Variants in NRXN3 observed in about 807,000 individuals in gnomAD.
NRXN3 encodes the protein neurexin III.
NRXN3 carries 32 observed loss-of-function variants against 137.6 expected under a neutral mutation model. The observed-to-expected ratio is 0.23, with a 90% CI of 0.18 to 0.31. The LOEUF is 0.31. Among genes scored for constraint, NRXN3 ranks in the 10% least tolerant of loss-of-function variants. NRXN3 has a pLI of 1.00. For missense variants in NRXN3, 1,574 were observed against 2,062.5 expected (o/e 0.76, Z 4.59); for synonymous variants, 798 against 784.5 (o/e 1.02, Z -0.29).
chr14:78,501,019 C>T (rs77608571), intron 4 of NRXN3, among the ~76,000 whole-genome samples: 1 of 152,098 alleles, frequency 6.6e-6, no homozygotes, highest in Non-Finnish European at 1.5e-5. Context: ...GATGATCAAG[C>T]CTTTCTTATT....
intron 4 of NRXN3, among the ~76,000 whole-genome samples, chr14:78,415,104 C>T (rs1374166485): frequency 6.6e-6 from 1 of 152,146 alleles, no homozygotes; most frequent in Non-Finnish European, 1.5e-5. Flanking sequence ...ACTTGAGAAA[C>T]AGCTCTAAGA....
intron 17 of NRXN3, among the ~76,000 whole-genome samples, chr14:79,688,597 A>T (rs900566430): frequency 5.3e-5 from 8 of 152,184 alleles, no homozygotes; most frequent in Non-Finnish European, 1.2e-4. Flanking sequence ...CTCAAGGGTC[A>T]GTTTGCTTTC....
intron 4 of NRXN3, among the ~76,000 whole-genome samples, chr14:78,306,547 A>G (rs1007244887): frequency 2.0e-5 from 3 of 152,144 alleles, no homozygotes; most frequent in African/African-American, 7.2e-5. Flanking sequence ...AGCAAAGTGC[A>G]TTTCCCCTTG....
chr14:78,238,396 A>G (rs921581331), intron 1 of NRXN3, among the ~76,000 whole-genome samples: 6 of 152,042 alleles, frequency 3.9e-5, no homozygotes, highest in Admixed American at 3.3e-4. Flanking sequence ...GCGTTCTCCT[A>G]TGGTTCAGTA....
intron 15 of NRXN3, among the ~76,000 whole-genome samples, chr14:79,358,607 G>GAGAAGGAAAGAAAGAAAGAA (rs796107012): frequency 1.1e-4 from 9 of 79,984 alleles, no homozygotes; most frequent in Non-Finnish European, 2.0e-4. Context: ...AAGAAAGAAA[G>GAGAAGGAAAGAAAGAAAGAA]AGAAAGAAAG....
intron 4 of NRXN3, among the ~76,000 whole-genome samples, chr14:78,345,663 A>G (rs2082647811): frequency 6.6e-6 from 1 of 152,036 alleles, no homozygotes; most frequent in Non-Finnish European, 1.5e-5. Context: ...ATAGCAAACC[A>G]ATTGGTTTCC....
chr14:78,838,354 T>G (rs560010247), intron 10 of NRXN3, among the ~76,000 whole-genome samples: 1 of 152,200 alleles, frequency 6.6e-6, no homozygotes, highest in Non-Finnish European at 1.5e-5. Context: ...TTCTACAGAT[T>G]TTTTTATTGT....
chr14:78,642,670 T>A (rs1601778207), intron 4 of NRXN3, among the ~76,000 whole-genome samples: 2 of 152,332 alleles, frequency 1.3e-5, no homozygotes, highest in Middle Eastern at 6.8e-3. Context: ...CCATTTGATT[T>A]GTCACCTTCT....
intron 15 of NRXN3, among the ~76,000 whole-genome samples, chr14:79,181,057 C>CATATATAT (rs3035618): frequency 3.7e-4 from 54 of 145,060 alleles, no homozygotes; most frequent in Middle Eastern, 3.6e-3. Flanking sequence ...TGTCTGTGTG[C>CATATATAT]ATATATATAT....
chr14:79,474,826 GGGAAAGAGGAGGA>G (rs1192318369), intron 16 of NRXN3, among the ~76,000 whole-genome samples: 2 of 152,004 alleles, frequency 1.3e-5, no homozygotes, highest in Non-Finnish European at 2.9e-5. Flanking sequence ...AAGGAAGAGA[GGGAAAGAGGAGGA>G]GGAAGGAGGA....
intron 15 of NRXN3, among the ~76,000 whole-genome samples, chr14:79,192,467 G>C (rs1164120919): frequency 1.3e-5 from 2 of 152,048 alleles, no homozygotes; most frequent in African/African-American, 2.4e-5. Context: ...GAAGTATTTG[G>C]GGATATTTTA....
rs994714026 is a variant in NRXN3, at chr14:79,504,655, G to GTATATATATATATATATATATA, written c.3444+37273_3444+37274insTATATATATATATATATATATA. On this transcript the variant is annotated intron_variant, in intron 16 of 20. Coordinates refer to ENST00000335750, the MANE Select transcript of NRXN3 (RefSeq NM_001330195.2). ...AATGAAGTTTTTTATATATATATAT[G>GTATATATATATATATATATATA]TATATATATATATATATATAAAACA... Among the ~76,000 whole-genome samples the GTATATATATATATATATATATA allele has an allele frequency of 6.6e-4, 69 of 104,214 alleles. 2 individuals carry two copies. Among genetic ancestry groups the GTATATATATATATATATATATA allele is most frequent in the African/African-American group, 2.2e-3 (65 of 29,182 alleles). 68.4% of individuals were successfully genotyped at this position (104,214 alleles called of 152,430 possible). A position where few individuals can be genotyped will look rare whatever the true frequency, so the allele number is the denominator to read the frequency against.
Position 78,818,501 on chromosome 14 carries a change from G to A in NRXN3, c.2275+8157G>A, listed in dbSNP as rs147999825. 3.8e-3 allele frequency among the ~76,000 whole-genome samples: 582 copies of A among 152,104 alleles called. 10 individuals carry two copies. Among genetic ancestry groups the A allele is most frequent in the African/African-American group, 1.8e-3 (75 of 41,508 alleles). Reference sequence around the variant, plus strand: ...AAATTAACCAAGGAGTGAATTTGTCGTCTTAACCTAATAATCTAAAGGAAT... The same window carrying A: ...AAATTAACCAAGGAGTGAATTTGTCATCTTAACCTAATAATCTAAAGGAAT... On this transcript the variant is annotated intron_variant, in intron 10 of 20. Transcript: ENST00000335750.
At chr14:79,108,835 A>T (rs1282979972) in intron 15 of NRXN3, among the ~76,000 whole-genome samples, 2 of 152,144 alleles carry the variant, frequency 1.3e-5, no homozygotes, top group African/African-American at 2.4e-5. Flanking sequence ...GAGAAATGAG[A>T]GAATTAAATT....
intron 15 of NRXN3, among the ~76,000 whole-genome samples, chr14:79,365,749 A>G: frequency 6.7e-6 from 1 of 149,006 alleles, no homozygotes. Flanking sequence ...AAAAAAGAAA[A>G]AAAAGAAGAG....
chr14:78,479,264 C>G (rs529411882), intron 4 of NRXN3, among the ~76,000 whole-genome samples: 2 of 152,262 alleles, frequency 1.3e-5, no homozygotes, highest in South Asian at 4.1e-4. Flanking sequence ...CTAAAGCTCC[C>G]CAGGTTATTC....
chr14:79,476,617 G>A (rs2096562137), intron 16 of NRXN3, among the ~76,000 whole-genome samples: 1 of 151,982 alleles, frequency 6.6e-6, no homozygotes, highest in African/African-American at 2.4e-5. Flanking sequence ...CATTTACTCG[G>A]GAGCATGTGT....
intron 2 of NRXN3, among the ~76,000 whole-genome samples, chr14:78,256,393 C>A (rs533867847): frequency 6.6e-6 from 1 of 152,224 alleles, no homozygotes; most frequent in South Asian, 2.1e-4. Flanking sequence ...GACCACAGAA[C>A]GCACAACTTT....
intron 15 of NRXN3, among the ~76,000 whole-genome samples, chr14:79,156,855 G>T (rs991728526): frequency 6.6e-6 from 1 of 151,734 alleles, no homozygotes; most frequent in Admixed American, 6.6e-5. Context: ...CCTCAGCACT[G>T]CTGACATAGT....
Sources: gnomAD v4.1 joint callset for allele counts (sites outside exome capture counted in the v4.1 genomes callset) on GRCh38, gnomAD v4.1.1 for gene constraint, MANE v1.5 for transcripts, NCBI Gene and HGNC (gene_info 2026-07-23, HGNC 2026-07-21) for gene names.